The following FAM117A variants were observed in gnomAD, a reference collection of about 807,000 sequenced individuals.
FAM117A encodes family with sequence similarity 117 member A.
In FAM117A, 21 loss-of-function variants were observed where a neutral mutation model predicts 44.1. The observed-to-expected ratio is 0.48, with a 90% CI of 0.34 to 0.69. FAM117A has a LOEUF of 0.69. FAM117A is among the 30% of genes least tolerant of loss of function. The pLI is 0.01. For missense variants in FAM117A, 498 were observed against 589.9 expected (o/e 0.84, Z 1.61); for synonymous variants, 220 against 238.3 (o/e 0.92, Z 0.71).
At chr17:49,764,593 T>C (rs1567837310), upstream of FAM117A, among the ~76,000 whole-genome samples, 2 of 152,176 alleles carry the variant, frequency 1.3e-5, no homozygotes, top group Non-Finnish European at 2.9e-5. Context: ...AGTCCCTGAA[T>C]CACAGAGAAA....
chr17:49,785,376 G>T lies in FAM117A; in HGVS notation c.-621+3121C>A, dbSNP rs371232683. 1.2e-4 allele frequency among the ~76,000 whole-genome samples: 19 copies of T among 152,282 alleles called. No homozygotes were observed. The South Asian group carries it at 3.5e-3, about 28-fold the overall frequency. On this transcript the variant is annotated intron_variant, in intron 1 of 7. Coordinates refer to the FAM117A transcript ENST00000513602. ...ATAATTTAAAAATTAGCCAGGCATG[G>T]TGGTGTGTACCTGTAGTCCTAGCTA...
At chr17:49,758,709 G>A (rs566740239) in intron 1 of FAM117A, among the ~76,000 whole-genome samples, 1 of 151,940 alleles carries the variant, frequency 6.6e-6, no homozygotes, top group East Asian at 1.9e-4. Flanking sequence ...TGTCTGTGGA[G>A]TAACGGTAAG....
At chr17:49,729,831 A>G (rs1037094311) in intron 2 of FAM117A, among the ~76,000 whole-genome samples, 2 of 152,094 alleles carry the variant, frequency 1.3e-5, no homozygotes, top group Non-Finnish European at 1.5e-5. Context: ...ACAGCTTAAA[A>G]GCTTTCAAGG....
intron 1 of FAM117A, among the ~76,000 whole-genome samples, chr17:49,749,575 C>CAAAAAAAAAA (rs1167215497): frequency 2.2e-5 from 1 of 45,862 alleles, no homozygotes; most frequent in African/African-American, 7.1e-5. Flanking sequence ...GACTCCGTCT[C>CAAAAAAAAAA]AAAAAAAAAA....
chr17:49,786,531 CT>C (rs1275669324), intron 1 of FAM117A, among the ~76,000 whole-genome samples: 2 of 152,164 alleles, frequency 1.3e-5, no homozygotes, highest in African/African-American at 4.8e-5. Flanking sequence ...AATCCCAGCA[CT>C]TTGGGAGGCT....
chr17:49,762,016 T>C (rs1598034520), intron 1 of FAM117A, among the ~76,000 whole-genome samples: 1 of 152,182 alleles, frequency 6.6e-6, no homozygotes, highest in African/African-American at 2.4e-5. Flanking sequence ...TATGCAGAGC[T>C]CTAGCTTCCT....
At chr17:49,770,860 T>G (rs1480441555) in intron 1 of FAM117A, among the ~76,000 whole-genome samples, 2 of 151,926 alleles carry the variant, frequency 1.3e-5, no homozygotes, top group Admixed American at 1.3e-4. Flanking sequence ...GCCATGATCA[T>G]ACCACTGCAC....
At chr17:49,726,978 CA>C (rs1208083401) in intron 2 of FAM117A, among the ~76,000 whole-genome samples, 35 of 139,104 alleles carry the variant, frequency 2.5e-4, no homozygotes, top group Admixed American at 1.4e-4. Flanking sequence ...GACCCTGTCT[CA>C]AAAAAAAAAG....
intron 1 of FAM117A, among the ~76,000 whole-genome samples, chr17:49,751,195 G>A (rs756976767): frequency 4.7e-5 from 7 of 150,154 alleles, no homozygotes; most frequent in Non-Finnish European, 1.0e-4. Context: ...CAGAAGAATC[G>A]CTTGAACCCA....
intron 1 of FAM117A, among the ~76,000 whole-genome samples, chr17:49,774,600 T>G (rs2073770763): frequency 6.6e-6 from 1 of 152,092 alleles, no homozygotes; most frequent in African/African-American, 2.4e-5. Context: ...CCTCGTGATC[T>G]GCCCGCCTCA....
intron 1 of FAM117A, among the ~76,000 whole-genome samples, chr17:49,779,303 C>G (rs1567839778): frequency 6.6e-6 from 1 of 152,224 alleles, no homozygotes; most frequent in African/African-American, 2.4e-5. Flanking sequence ...ACTAATGCTA[C>G]TTACAGTTGT....
chr17:49,720,229 G>A, intron 4 of FAM117A, 97 bp downstream of exon 4: 1 of 947,864 alleles, frequency 1.1e-6, no homozygotes, highest in Non-Finnish European at 1.6e-6. Context: ...AGTGTGGTAG[G>A]GGGCTCGGCA....
At chr17:49,740,633 T>C (rs966338310) in intron 1 of FAM117A, among the ~76,000 whole-genome samples, 3 of 152,140 alleles carry the variant, frequency 2.0e-5, no homozygotes, top group Admixed American at 6.5e-5. Context: ...GCTGATGAGA[T>C]TGAAGTGAGC....
At chr17:49,746,356 A>C (rs1052715094) in intron 1 of FAM117A, among the ~76,000 whole-genome samples, 2 of 152,244 alleles carry the variant, frequency 1.3e-5, no homozygotes, top group African/African-American at 4.8e-5. Context: ...ATCACTCCTC[A>C]GAAAGGACCT....
At chr17:49,726,195 T>C (rs748593303) in intron 2 of FAM117A, among the ~76,000 whole-genome samples, 5 of 152,218 alleles carry the variant, frequency 3.3e-5, no homozygotes, top group African/African-American at 4.8e-5. Flanking sequence ...TTTGAAGTTG[T>C]TGACATGCTG....
intron 1 of FAM117A, among the ~76,000 whole-genome samples, chr17:49,762,390 C>A (rs1198239777): frequency 6.6e-6 from 1 of 152,182 alleles, no homozygotes; most frequent in Non-Finnish European, 1.5e-5. Context: ...CCTTACTCTA[C>A]ACCACCGGAT....
At chr17:49,740,216 A>G (rs945175237) in intron 1 of FAM117A, among the ~76,000 whole-genome samples, 3 of 151,994 alleles carry the variant, frequency 2.0e-5, no homozygotes, top group Non-Finnish European at 2.9e-5. Context: ...TGGGCCTGGC[A>G]CACTGCAGCA....
upstream of FAM117A, chr17:49,788,682 C>G: frequency 2.5e-6 from 2 of 793,536 alleles, no homozygotes; most frequent in Non-Finnish European, 1.9e-6. Flanking sequence ...GGCGCCTGCG[C>G]AGAACGCTCC....
chr17:49,787,473 T>C (rs1816929790), intron 1 of FAM117A, among the ~76,000 whole-genome samples: 1 of 152,242 alleles, frequency 6.6e-6, no homozygotes, highest in Non-Finnish European at 1.5e-5. Flanking sequence ...TCTGGAACTT[T>C]AAATCTTTAG....
Sources: gnomAD v4.1 joint callset for allele counts (sites outside exome capture counted in the v4.1 genomes callset) on GRCh38, gnomAD v4.1.1 for gene constraint, MANE v1.5 for transcripts, NCBI Gene and HGNC (gene_info 2026-07-23, HGNC 2026-07-21) for gene names.